The following AK4 variants were observed in gnomAD, a reference collection of about 807,000 sequenced individuals.
AK4 encodes the protein adenylate kinase 4.
In AK4, 13 loss-of-function variants were observed where a neutral mutation model predicts 24.6. That is an observed-to-expected ratio of 0.53 (90% CI 0.34 to 0.84). The LOEUF is 0.84. Among genes scored for constraint, AK4 ranks in the 40% least tolerant of loss-of-function variants. The probability of loss-of-function intolerance (pLI) is 0.01; values close to 1 mark genes in which losing one functional copy is unlikely to be tolerated. For synonymous variants in AK4, 88 were observed against 107.0 expected (o/e 0.82, Z 1.10); for missense variants, 192 against 288.2 (o/e 0.67, Z 2.42).
At chr1:65,161,079 T>C (rs1057155602) in intron 1 of AK4, among the ~76,000 whole-genome samples, 4 of 152,114 alleles carry the variant, frequency 2.6e-5, no homozygotes, top group African/African-American at 9.7e-5. Context: ...TTTGTTGTTG[T>C]TGTTCTGTCC....
chr1:65,168,903 A>C (rs1650419595), intron 1 of AK4, among the ~76,000 whole-genome samples: 1 of 152,194 alleles, frequency 6.6e-6, no homozygotes, highest in Admixed American at 6.5e-5. Context: ...GGCCAGGTGT[A>C]GTGGCCCATG....
intron 2 of AK4, among the ~76,000 whole-genome samples, chr1:65,214,189 A>G (rs1652054128): frequency 6.6e-6 from 1 of 152,012 alleles, no homozygotes; most frequent in African/African-American, 2.4e-5. Flanking sequence ...TCGGCTCACT[A>G]CAACTTCCAC....
chr1:65,160,515 A>C (rs1426924519), intron 1 of AK4, among the ~76,000 whole-genome samples: 2 of 152,174 alleles, frequency 1.3e-5, no homozygotes, highest in Non-Finnish European at 2.9e-5. Flanking sequence ...ATACTCAAGC[A>C]GTTCTCCTGC....
rs1372545608 is a variant in AK4 at position 65,226,608 on chromosome 1, A to C, written c.*431A>C. The C allele has an allele frequency of 1.3e-5, 2 of 156,302 alleles. No homozygotes were observed. Among genetic ancestry groups the C allele is most frequent in the African/African-American group, 4.8e-5 (2 of 41,466 alleles). The allele number at this position is 156,302 out of a possible 1,614,324, so 9.7% of individuals were successfully genotyped here. On this transcript the variant is annotated 3_prime_UTR_variant, in exon 5 of 5. Transcript: ENST00000327299. ...GAATGAATCCTGAGGGCTCTAGCCC[A>C]GGCTTTGTCCCAGGCTTTCTGGTGT...
intron 2 of AK4, among the ~76,000 whole-genome samples, chr1:65,206,243 G>A (rs1264860194): frequency 6.6e-6 from 1 of 152,118 alleles, no homozygotes; most frequent in Non-Finnish European, 1.5e-5. Flanking sequence ...AACAGTGCTT[G>A]GCATATAGTA....
intron 3 of AK4, among the ~76,000 whole-genome samples, chr1:65,222,661 C>A (rs1457899060): frequency 6.6e-6 from 1 of 152,192 alleles, no homozygotes; most frequent in African/African-American, 2.4e-5. Flanking sequence ...CCCCATCTCT[C>A]TTGTCATGTT....
chr1:65,179,589 G>A lies in AK4; in HGVS notation c.146-11121G>A, dbSNP rs139177441. Among the ~76,000 whole-genome samples, 962 of 152,026 alleles carry A rather than the reference G, an allele frequency of 6.3e-3. 9 individuals carry two copies. The highest frequency in any genetic ancestry group is 0.022 in the African/African-American group (899 of 41,464). On this transcript the variant is annotated intron_variant, in intron 1 of 4. Coordinates refer to ENST00000327299, the MANE Select transcript of AK4 (RefSeq NM_013410.4). ...TGTGGTGGCTCATGCCTGTAATCCC[G>A]GCACTTTGGGAGGCCCGGGCAGGAG...
chr1:65,171,090 G>A (rs150978167), intron 1 of AK4, among the ~76,000 whole-genome samples: 2,399 of 149,990 alleles, frequency 0.016, 35 homozygotes, highest in Non-Finnish European at 0.026. Flanking sequence ...CGAGTAGCTC[G>A]GACTACAGGC....
At chr1:65,152,451 G>A (rs1476085898) in intron 1 of AK4, among the ~76,000 whole-genome samples, 6 of 124,492 alleles carry the variant, frequency 4.8e-5, no homozygotes, top group East Asian at 2.7e-4. Flanking sequence ...CACCCAGGCC[G>A]GAGTGCAGTG....
At chr1:65,147,823 ATG>A (rs1649613176), upstream of AK4, 1 of 151,838 alleles carries the variant, frequency 6.6e-6, no homozygotes, top group South Asian at 2.1e-4. Flanking sequence ...ACTCCGGGGG[ATG>A]TGACAGCCGC....
chr1:65,220,998 A>G (rs1166658540), intron 3 of AK4, among the ~76,000 whole-genome samples: 1 of 152,210 alleles, frequency 6.6e-6, no homozygotes, highest in African/African-American at 2.4e-5. Flanking sequence ...TGACTAGGGA[A>G]GGCTAAAGGA....
chr1:65,173,166 G>C (rs901838892), intron 1 of AK4, among the ~76,000 whole-genome samples: 1 of 152,232 alleles, frequency 6.6e-6, no homozygotes, highest in African/African-American at 2.4e-5. Flanking sequence ...GCCCGGCCTA[G>C]CAAGAGATTT....
intron 2 of AK4, among the ~76,000 whole-genome samples, chr1:65,200,444 C>T (rs1651628662): frequency 6.6e-6 from 1 of 152,042 alleles, no homozygotes; most frequent in African/African-American, 2.4e-5. Flanking sequence ...CAGAGTAATA[C>T]TGGTTGAATT....
intron 1 of AK4, among the ~76,000 whole-genome samples, chr1:65,187,022 G>T (rs1271582336): frequency 6.6e-6 from 1 of 152,132 alleles, no homozygotes; most frequent in Admixed American, 6.6e-5. Flanking sequence ...ATTAAGCTAA[G>T]TGAAAGAAAA....
intron 2 of AK4, among the ~76,000 whole-genome samples, chr1:65,207,145 C>A (rs1651835925): frequency 6.6e-6 from 1 of 152,156 alleles, no homozygotes; most frequent in African/African-American, 2.4e-5. Context: ...CAGTGGATCA[C>A]CAAGTAGTGA....
intron 1 of AK4, among the ~76,000 whole-genome samples, chr1:65,163,160 C>T (rs1277140753): frequency 2.0e-5 from 3 of 152,136 alleles, no homozygotes; most frequent in Non-Finnish European, 4.4e-5. Flanking sequence ...GGTAACTCGA[C>T]GTTTAATAGT....
At chr1:65,221,202 A>T (rs1652284653) in intron 3 of AK4, among the ~76,000 whole-genome samples, 1 of 152,206 alleles carries the variant, frequency 6.6e-6, no homozygotes, top group African/African-American at 2.4e-5. Flanking sequence ...TTATCATATA[A>T]TAGTGAACGC....
At chr1:65,207,875 C>T (rs2101067178) in intron 2 of AK4, among the ~76,000 whole-genome samples, 1 of 152,278 alleles carries the variant, frequency 6.6e-6, no homozygotes, top group Non-Finnish European at 1.5e-5. Flanking sequence ...GACATGATCT[C>T]ATTCTTATTA....
At chr1:65,203,695 T>C (rs1215270954) in intron 2 of AK4, among the ~76,000 whole-genome samples, 1 of 152,042 alleles carries the variant, frequency 6.6e-6, no homozygotes, top group East Asian at 1.9e-4. Flanking sequence ...TCCCAGCTAC[T>C]TGGGAGGGCT....
Sources: allele counts gnomAD v4.1 joint callset (sites outside exome capture counted in the v4.1 genomes callset), GRCh38; gene constraint gnomAD v4.1.1; transcripts MANE v1.5; gene names NCBI Gene and HGNC (gene_info 2026-07-23, HGNC 2026-07-21).